Variants in CLPTM1L observed in about 807,000 individuals in gnomAD.
CLPTM1L encodes the protein lipid scramblase CLPTM1L.
A neutral mutation model predicts 70.9 loss-of-function variants in CLPTM1L; 38 were observed. The observed-to-expected ratio is 0.54, with a 90% CI of 0.41 to 0.70. The LOEUF (loss-of-function observed/expected upper bound fraction) is 0.70, where lower values mean the gene tolerates loss of function less well. CLPTM1L is among the 30% of genes least tolerant of loss of function. The pLI, the probability that CLPTM1L is intolerant of heterozygous loss-of-function variation, is 0.00. For missense variants in CLPTM1L, 652 were observed against 705.9 expected, an observed-to-expected ratio of 0.92 and a Z score of 0.87; for synonymous variants, 339 against 299.9, an observed-to-expected ratio of 1.13 and a Z score of -1.35.
chr5:1,341,478 A>C (rs1560872177), intron 3 of CLPTM1L, among the ~76,000 whole-genome samples, 193 bp downstream of exon 3: 1 of 152,172 alleles, frequency 6.6e-6, no homozygotes, highest in Non-Finnish European at 1.5e-5. Context: ...TTTTAGATAA[A>C]ACTTGTCTGC....
At chr5:1,344,239 G>A (rs972913392) in intron 2 of CLPTM1L, 112 bp downstream of exon 2, 3 of 758,902 alleles carry the variant, frequency 4.0e-6, no homozygotes, top group African/African-American at 3.4e-5. Flanking sequence ...CAAGACATTC[G>A]GTAAGACTAG....
intron 3 of CLPTM1L, 76 bp from the exon 4 acceptor site, chr5:1,339,081 C>T (rs1393109048): frequency 1.5e-5 from 23 of 1,524,152 alleles, no homozygotes; most frequent in African/African-American, 2.7e-5. Flanking sequence ...GCCCCCTAAC[C>T]TGCGAACAGA....
chr5:1,336,190 C>G (rs1441478417), intron 5 of CLPTM1L, among the ~76,000 whole-genome samples: 2 of 152,246 alleles, frequency 1.3e-5, no homozygotes, highest in Non-Finnish European at 2.9e-5. Flanking sequence ...GTCACTGCCT[C>G]CTCCATCTGG....
At chr5:1,343,377 TAA>T (rs1467033769) in intron 2 of CLPTM1L, among the ~76,000 whole-genome samples, 3 of 152,176 alleles carry the variant, frequency 2.0e-5, no homozygotes, top group South Asian at 2.1e-4. Flanking sequence ...GGAGCTGTGT[TAA>T]GAGTGCTCAT....
At chr5:1,338,079 C>G (rs1288897869) in intron 4 of CLPTM1L, 97 bp from the exon 5 acceptor site, 1 of 958,484 alleles carries the variant, frequency 1.0e-6, no homozygotes, top group Admixed American at 2.0e-5. Flanking sequence ...AGAGAAGTGC[C>G]CCCAGCACCA....
At chr5:1,328,827 G>GCATCCAGCTCCTCCTCTACAGACACATTT (rs1426441644) in intron 9 of CLPTM1L, among the ~76,000 whole-genome samples, 7 of 56,198 alleles carry the variant, frequency 1.2e-4, no homozygotes, top group Admixed American at 1.9e-4. Context: ...CAGACACATT[G>GCATCCAGCTCCTCCTCTACAGACACATTT]CATCCAGCTC....
At chr5:1,330,189 A>T in intron 9 of CLPTM1L, 91 bp downstream of exon 9, 1 of 1,020,520 alleles carries the variant, frequency 9.8e-7, no homozygotes, top group Non-Finnish European at 1.5e-6. Flanking sequence ...AGGCTTCCAC[A>T]GAAGGTCTCA....
At chr5:1,333,830 G>C (rs373615922) in intron 7 of CLPTM1L, among the ~76,000 whole-genome samples, 2 of 151,888 alleles carry the variant, frequency 1.3e-5, no homozygotes, top group African/African-American at 4.8e-5. Flanking sequence ...TATACACACA[G>C]GACTGACTTT....
At chr5:1,344,634 G>A (rs1754160824) in intron 1 of CLPTM1L, 46 bp downstream of exon 1, 3 of 1,534,736 alleles carry the variant, frequency 2.0e-6, no homozygotes, top group Non-Finnish European at 2.6e-6. Flanking sequence ...CTGGAGGAGA[G>A]GCCCCCACCC....
rs1238097141 is a variant in CLPTM1L, at chr5:1,318,806, C to T, written c.1533-353G>A. ...AGACTCGAGTGATCAGAACAGGAAC[C>T]GCTGTGTTCAGGGACCACGTCTCAT... On this transcript the variant is annotated intron_variant, in intron 16 of 16. Coordinates refer to ENST00000320895, the MANE Select transcript of CLPTM1L (RefSeq NM_030782.5). The surrounding 1 kb of genome is among the most constrained non-coding windows in gnomAD (Gnocchi z 8.9). 6.6e-6 allele frequency among the ~76,000 whole-genome samples: 1 copy of T among 152,164 alleles called. No individual in the cohort carries two copies. The highest frequency in any genetic ancestry group is 2.4e-5 in the African/African-American group (1 of 41,428).
intron 3 of CLPTM1L, among the ~76,000 whole-genome samples, chr5:1,340,986 G>C (rs31487): frequency 0.45 from 68,116 of 151,938 alleles, 16,037 homozygotes; most frequent in African/African-American, 0.56. Context: ...GGCTAGTCTC[G>C]AACTCCTGAC....
At position 1,318,103 on chromosome 5, in the gene CLPTM1L, G is replaced by A. The variant is rs36070693; in HGVS notation, c.*266C>T. ...CCGCGTGAGGACATGGCCGAACCCC[G>A]GACACTCGTGTGCCGGGAGCCACCA... On this transcript the variant is annotated 3_prime_UTR_variant, in exon 17 of 17. Coordinates refer to ENST00000320895, the MANE Select transcript of CLPTM1L (RefSeq NM_030782.5). This position sits in a 1 kb window ranked among gnomAD's most constrained non-coding sequence, Gnocchi z 8.9. 5.1e-5 allele frequency: 25 copies of A among 486,638 alleles called. No homozygotes were observed. Among genetic ancestry groups the A allele is most frequent in the East Asian group, 1.4e-4 (4 of 29,148 alleles). 30.1% of individuals were successfully genotyped at this position (486,638 alleles called of 1,614,324 possible).
Position 1,330,374 on chromosome 5 carries a change from C to T in CLPTM1L, c.986G>A (p.Arg329His), listed in dbSNP as rs1309849938. The change falls in exon 9 of 17, where the codon CGC becomes CAC. Residue 329 changes from arginine (R) to histidine (H), a missense_variant. Physicochemically the swap from Arg to His is conservative, Grantham distance 29. This residue lies in a region of CLPTM1L where 240 missense variants were observed against 295.0 expected (regional missense o/e 0.81). Coordinates refer to ENST00000320895, the MANE Select transcript of CLPTM1L (RefSeq NM_030782.5). Reference sequence around the variant, plus strand: ...AAAGATGACCACGGTGCTGAAGCAGCGCCAGAGCACTGGGGACAGGATGGT... The same window carrying T: ...AAAGATGACCACGGTGCTGAAGCAGTGCCAGAGCACTGGGGACAGGATGGT... Reference protein sequence around the residue: ...IGMSTKAVLWRCFSTVVIFLF... With the variant: ...IGMSTKAVLWHCFSTVVIFLF... The T allele has an allele frequency of 1.2e-6, 2 of 1,612,734 alleles. No homozygotes were observed. Among genetic ancestry groups the T allele is most frequent in the South Asian group, 1.1e-5 (1 of 91,076 alleles).
At chr5:1,335,262 TCCCATCCCTGTGTGGC>T (rs1363756292) in intron 5 of CLPTM1L, 88 bp from the exon 6 acceptor site, 1 of 1,050,010 alleles carries the variant, frequency 9.5e-7, no homozygotes, top group Non-Finnish European at 1.5e-6. Flanking sequence ...CCATCCCCCT[TCCCATCCCTGTGTGGC>T]CCCAGGTCAG....
intron 3 of CLPTM1L, 111 bp from the exon 4 acceptor site, chr5:1,339,116 T>C: frequency 7.8e-7 from 1 of 1,283,846 alleles, no homozygotes; most frequent in Non-Finnish European, 1.1e-6. Flanking sequence ...AGGCAAACTG[T>C]GCCCGGGACA....
In CLPTM1L at chr5:1,342,023, T is replaced by TGC. The variant is rs1393107315; in HGVS notation, c.264-164_264-163insGC. Among the ~76,000 whole-genome samples the TGC allele has an allele frequency of 5.4e-5, 7 of 129,886 alleles. No homozygotes were observed. Among genetic ancestry groups the TGC allele is most frequent in the African/African-American group, 2.0e-4 (6 of 29,882 alleles). The allele number at this position is 129,886 out of a possible 152,430, so 85.2% of individuals were successfully genotyped here. A position where few individuals can be genotyped will look rare whatever the true frequency, so the allele number is the denominator to read the frequency against. On this transcript the variant is annotated intron_variant, in intron 2 of 16. Transcript: ENST00000320895. This position sits in a 1 kb window ranked among gnomAD's most constrained non-coding sequence, Gnocchi z 4.3. ...GCTTTACGAGTCGTGTGTGTGTGTG[T>TGC]GTGTGTGTGTGTGTGTGCACGCGCA...
intron 16 of CLPTM1L, among the ~76,000 whole-genome samples, chr5:1,319,716 G>A (rs1424149005): frequency 2.0e-5 from 3 of 152,216 alleles, no homozygotes; most frequent in Non-Finnish European, 2.9e-5. Context: ...GTCGGGGGAG[G>A]GAGATGGGAA....
At chr5:1,330,404 C>T (rs1480079834) in intron 8 of CLPTM1L, 21 bp from the exon 9 acceptor site, 2 of 1,606,144 alleles carry the variant, frequency 1.2e-6, no homozygotes, top group Admixed American at 3.3e-5. Context: ...GATGGTCGGG[C>T]TGGGAGGGGG....
At chr5:1,321,924 G>C in intron 13 of CLPTM1L, 105 bp from the exon 14 acceptor site, 1 of 983,470 alleles carries the variant, frequency 1.0e-6, no homozygotes, top group Non-Finnish European at 1.6e-6. Context: ...CCACGTCTAT[G>C]CATAGTGGGC....
Sources: allele counts gnomAD v4.1 joint callset (sites outside exome capture counted in the v4.1 genomes callset), GRCh38; gene constraint gnomAD v4.1.1; regional missense constraint gnomAD v4.1.1; non-coding constraint Gnocchi (gnomAD v3.1); transcripts MANE v1.5; gene names NCBI Gene and HGNC (gene_info 2026-07-23, HGNC 2026-07-21).